TBC1D19: variants seen among roughly 807,000 people sequenced by gnomAD.
TBC1D19 encodes TBC1 domain family, member 19.
Under a neutral mutation model 89.0 loss-of-function variants are expected in TBC1D19, and 60 were observed. That is an observed-to-expected ratio of 0.67 (90% CI 0.55 to 0.84). The LOEUF (loss-of-function observed/expected upper bound fraction) is 0.84, where lower values mean the gene tolerates loss of function less well. TBC1D19 is among the 40% of genes least tolerant of loss of function. TBC1D19 has a pLI of 0.00. For synonymous variants in TBC1D19, 189 were observed against 199.7 expected, an observed-to-expected ratio of 0.95 and a Z score of 0.45; for missense variants, 500 against 610.8, an observed-to-expected ratio of 0.82 and a Z score of 1.91.
At chr4:26,745,891 G>A (rs996510903) in intron 18 of TBC1D19, among the ~76,000 whole-genome samples, 44 of 152,012 alleles carry the variant, frequency 2.9e-4, no homozygotes, top group Admixed American at 2.6e-3. Context: ...ATTCTACCAA[G>A]CACTCCAGGA....
chr4:26,711,643 C>T (rs1716195381), intron 13 of TBC1D19, among the ~76,000 whole-genome samples: 1 of 151,984 alleles, frequency 6.6e-6, no homozygotes, highest in Non-Finnish European at 1.5e-5. Flanking sequence ...TATAACTCTT[C>T]TAAATGAAGT....
the TBC1D19 span, among the ~76,000 whole-genome samples, chr4:26,844,303 T>A: frequency 6.6e-6 from 1 of 152,210 alleles, no homozygotes; most frequent in East Asian, 1.9e-4. Context: ...ACCTGTTATG[T>A]ACTCCAGGTT....
the TBC1D19 span, among the ~76,000 whole-genome samples, chr4:26,831,554 C>T: frequency 9.9e-5 from 15 of 151,096 alleles, no homozygotes; most frequent in East Asian, 1.9e-3. Flanking sequence ...CCTTTATTTT[C>T]CTTTTTCTTT....
chr4:26,610,779 C>T (rs745781751), intron 1 of TBC1D19, among the ~76,000 whole-genome samples: 4 of 152,008 alleles, frequency 2.6e-5, no homozygotes, highest in Non-Finnish European at 4.4e-5. Flanking sequence ...GACGTGATCT[C>T]GTTGTTTTTT....
At chr4:26,778,456 G>T in the TBC1D19 span, among the ~76,000 whole-genome samples, 1 of 139,676 alleles carries the variant, frequency 7.2e-6, no homozygotes. Context: ...AGGGAAGGGG[G>T]AAGGGAAGGG....
chr4:26,647,290 A>G (rs1744042820), intron 7 of TBC1D19, among the ~76,000 whole-genome samples: 1 of 152,218 alleles, frequency 6.6e-6, no homozygotes, highest in Non-Finnish European at 1.5e-5. Context: ...AAGCTGAGTT[A>G]AGTTACAGAG....
chr4:26,779,827 A>G, the TBC1D19 span, among the ~76,000 whole-genome samples: 5 of 152,256 alleles, frequency 3.3e-5, no homozygotes, highest in East Asian at 5.8e-4. Flanking sequence ...TATAATTTAC[A>G]TATTTTTCCC....
chr4:26,786,786 TGGATGGATGG>T, the TBC1D19 span, among the ~76,000 whole-genome samples: 1 of 149,122 alleles, frequency 6.7e-6, no homozygotes, highest in Non-Finnish European at 1.5e-5. Flanking sequence ...GATGGATGGA[TGGATGGATGG>T]GTGGGTGGAA....
At chr4:26,757,803 C>G (rs1365645566), downstream of TBC1D19, among the ~76,000 whole-genome samples, 1 of 152,182 alleles carries the variant, frequency 6.6e-6, no homozygotes, top group Admixed American at 6.5e-5. Context: ...AGTGTCTAGT[C>G]TAGTCTAGTC....
chr4:26,790,074 A>G, the TBC1D19 span, among the ~76,000 whole-genome samples: 1 of 152,202 alleles, frequency 6.6e-6, no homozygotes, highest in Non-Finnish European at 1.5e-5. Context: ...AAATTTCTTA[A>G]TGAGTACAAT....
At chr4:26,842,340 C>CTTTTTTTTTTTTT in the TBC1D19 span, among the ~76,000 whole-genome samples, 7 of 81,576 alleles carry the variant, frequency 8.6e-5, no homozygotes, top group South Asian at 1.0e-3. Flanking sequence ...CTTTTCTTTT[C>CTTTTTTTTTTTTT]TTTTTTTTTT....
chr4:26,766,609 G>A, the TBC1D19 span, among the ~76,000 whole-genome samples: 709 of 152,294 alleles, frequency 4.7e-3, 2 homozygotes, highest in Non-Finnish European at 7.9e-3. Flanking sequence ...ATGCATATTA[G>A]TAACACCTGG....
At chr4:26,596,560 G>C (rs974517337) in intron 1 of TBC1D19, among the ~76,000 whole-genome samples, 20 of 149,696 alleles carry the variant, frequency 1.3e-4, no homozygotes, top group African/African-American at 4.2e-4. Context: ...AACCAGTTTT[G>C]GGGTTTACTA....
At chr4:26,811,312 A>T in the TBC1D19 span, among the ~76,000 whole-genome samples, 2 of 152,256 alleles carry the variant, frequency 1.3e-5, no homozygotes, top group Non-Finnish European at 2.9e-5. Flanking sequence ...CAATGAGAAG[A>T]TATGGACGAA....
At chr4:26,847,175 T>C in the TBC1D19 span, among the ~76,000 whole-genome samples, 1 of 152,188 alleles carries the variant, frequency 6.6e-6, no homozygotes, top group South Asian at 2.1e-4. Flanking sequence ...TCTTCTAGCC[T>C]CAGGGGATAA....
chr4:26,803,759 C>T, the TBC1D19 span, among the ~76,000 whole-genome samples: 1 of 152,056 alleles, frequency 6.6e-6, no homozygotes, highest in Non-Finnish European at 1.5e-5. Context: ...CTGGGTGGCT[C>T]CTGGCAAGCT....
intron 7 of TBC1D19, among the ~76,000 whole-genome samples, chr4:26,644,248 G>A (rs1355563457): frequency 6.6e-6 from 1 of 152,068 alleles, no homozygotes; most frequent in Admixed American, 6.5e-5. Context: ...TTTCATCCCT[G>A]GGATGCAAGG....
rs555770255 is a variant in TBC1D19, at chr4:26,739,747, C to G, written c.1118-117C>G. 2.8e-4 allele frequency: 146 copies of G among 523,380 alleles called. No individual in the cohort carries two copies. The African/African-American group carries it at 2.8e-3, about 10-fold the overall frequency. 32.4% of individuals were successfully genotyped at this position (523,380 alleles called of 1,614,324 possible). A position where few individuals can be genotyped will look rare whatever the true frequency, so the allele number is the denominator to read the frequency against. On this transcript the variant is annotated intron_variant, in intron 16 of 20. Transcript: ENST00000264866. Reference sequence around the variant, plus strand: ...TGAAAAAAAGTAGTATGATTTTAAACTTGTCTGGTGGTGTATATGATTACT... The same window carrying G: ...TGAAAAAAAGTAGTATGATTTTAAAGTTGTCTGGTGGTGTATATGATTACT...
At position 26,666,422 on chromosome 4, in the gene TBC1D19, C is replaced by T. The variant is rs180973817; in HGVS notation, c.664+17C>T. ...TGCCTCCTGGTTAGTATTTTTCCAA[C>T]GGCATATAATTAATGATAAATGAGA... is the stretch of plus-strand genomic sequence containing the variant. On this transcript the variant is annotated intron_variant, in intron 9 of 20. Transcript: ENST00000264866. The T allele has an allele frequency of 2.9e-5, 47 of 1,597,032 alleles. No individual in the cohort carries two copies. Among genetic ancestry groups the T allele is most frequent in the African/African-American group, 2.1e-4 (16 of 74,648 alleles).
Sources: gnomAD v4.1 joint callset for allele counts (sites outside exome capture counted in the v4.1 genomes callset) on GRCh38, gnomAD v4.1.1 for gene constraint, MANE v1.5 for transcripts, NCBI Gene and HGNC (gene_info 2026-07-23, HGNC 2026-07-21) for gene names.